Variants in KRAS observed in about 807,000 individuals in gnomAD.
The protein encoded by KRAS is GTPase KRas.
KRAS carries 1 observed loss-of-function variant against 21.0 expected under a neutral mutation model. The ratio of observed to expected loss-of-function variants is 0.05; its 90% CI spans 0.02 to 0.23. KRAS has a LOEUF of 0.23. Ranked by LOEUF, KRAS falls within the 10% of genes least tolerant of loss-of-function variation. The probability of loss-of-function intolerance (pLI) is 1.00; values close to 1 mark genes in which losing one functional copy is unlikely to be tolerated. For missense variants in KRAS, 107 were observed against 221.8 expected (o/e 0.48, Z 3.29); for synonymous variants, 67 against 72.5 (o/e 0.92, Z 0.39).
chr12:25,227,167 A>C, intron 3 of KRAS, 67 bp downstream of exon 3: 1 of 1,194,760 alleles, frequency 8.4e-7, no homozygotes, highest in Non-Finnish European at 1.2e-6. Context: ...GGCATTAGCA[A>C]AGACTCAAAA....
At chr12:25,216,583 G>C (rs999583336) in intron 4 of KRAS, among the ~76,000 whole-genome samples, 4 of 152,176 alleles carry the variant, frequency 2.6e-5, no homozygotes, top group Non-Finnish European at 5.9e-5. Flanking sequence ...CTTACTACAA[G>C]TCTTAAAAAT....
At chr12:25,222,311 T>C (rs1162301039) in intron 4 of KRAS, among the ~76,000 whole-genome samples, 1 of 152,176 alleles carries the variant, frequency 6.6e-6, no homozygotes, top group Non-Finnish European at 1.5e-5. Flanking sequence ...TTTCATTTTA[T>C]AATCTCTACA....
chr12:25,230,568 C>T (rs1341128574), intron 2 of KRAS, among the ~76,000 whole-genome samples: 2 of 152,144 alleles, frequency 1.3e-5, no homozygotes, highest in Admixed American at 6.5e-5. Flanking sequence ...GTGGAGGTTA[C>T]GGTGAGCTGA....
intron 4 of KRAS, among the ~76,000 whole-genome samples, chr12:25,224,257 A>G (rs543163757): frequency 6.6e-6 from 1 of 151,926 alleles, no homozygotes. Context: ...GTATTCCAAA[A>G]GAAGGCAATG....
rs1951243246 is a variant in KRAS at position 25,215,451 on chromosome 12, A to G, written c.451-5540T>C. 1.9e-6 allele frequency: 3 copies of G among 1,612,938 alleles called. No homozygotes were observed. The African/African-American group carries it at 4.0e-5, about 22-fold the overall frequency. ...CTTAAACTTACCAGATTACATTATA[A>G]TGCATTTTTTAATTTTCACACAGCC... On this transcript the variant is annotated intron_variant, in intron 4 of 4. Coordinates refer to ENST00000311936, the MANE Select transcript of KRAS (RefSeq NM_004985.5).
At chr12:25,222,384 G>C (rs1951338114) in intron 4 of KRAS, among the ~76,000 whole-genome samples, 1 of 151,924 alleles carries the variant, frequency 6.6e-6, no homozygotes, top group African/African-American at 2.4e-5. Context: ...AATTTCAACG[G>C]AGGAAGATTA....
intron 4 of KRAS, among the ~76,000 whole-genome samples, chr12:25,218,044 CTT>C (rs1565881422): frequency 6.6e-6 from 1 of 152,030 alleles, no homozygotes; most frequent in Non-Finnish European, 1.5e-5. Context: ...ACTAAAATAA[CTT>C]TGTAGCATGT....
intron 2 of KRAS, among the ~76,000 whole-genome samples, chr12:25,244,098 G>A (rs11047918): frequency 0.18 from 28,070 of 152,016 alleles, 2,771 homozygotes; most frequent in African/African-American, 0.26. Context: ...TCTTCCCAAG[G>A]CCACCCAATG....
At chr12:25,235,166 T>C (rs1003052151) in intron 2 of KRAS, 28 of 500,118 alleles carry the variant, frequency 5.6e-5, no homozygotes, top group Non-Finnish European at 9.3e-5. Context: ...CCTCTTGAAA[T>C]TGTATGTTTT....
chr12:25,242,753 A>G (rs1951626471), intron 2 of KRAS, among the ~76,000 whole-genome samples: 1 of 150,076 alleles, frequency 6.7e-6, no homozygotes, highest in Non-Finnish European at 1.5e-5. Flanking sequence ...TCTTAATTTG[A>G]AAGATAGCTA....
intron 4 of KRAS, among the ~76,000 whole-genome samples, chr12:25,211,836 G>T (rs1951202870): frequency 6.6e-6 from 1 of 152,166 alleles, no homozygotes; most frequent in Non-Finnish European, 1.5e-5. Flanking sequence ...ACTAGTGAAA[G>T]TCTCCAATAA....
intron 2 of KRAS, among the ~76,000 whole-genome samples, chr12:25,241,167 C>T (rs1379328451): frequency 6.6e-6 from 1 of 152,120 alleles, no homozygotes; most frequent in Non-Finnish European, 1.5e-5. Flanking sequence ...CTATACTCAC[C>T]TACTTAGTTA....
chr12:25,229,436 T>C (rs995554881), intron 2 of KRAS, among the ~76,000 whole-genome samples: 20 of 152,206 alleles, frequency 1.3e-4, no homozygotes, highest in Admixed American at 9.2e-4. Flanking sequence ...TAAAGAGCAA[T>C]ATTGTTTCAT....
At chr12:25,210,042 A>G (rs1432924603) in intron 4 of KRAS, 131 bp from the exon 5 acceptor site, 12 of 596,942 alleles carry the variant, frequency 2.0e-5, no homozygotes, top group Non-Finnish European at 3.4e-5. Context: ...CTGAATATAT[A>G]TTACATATAT....
chr12:25,220,651 C>T (rs1181186760), intron 4 of KRAS, among the ~76,000 whole-genome samples: 3 of 150,898 alleles, frequency 2.0e-5, no homozygotes, highest in East Asian at 3.9e-4. Context: ...CGCTTGAATC[C>T]GGGAAGCGGA....
intron 4 of KRAS, among the ~76,000 whole-genome samples, chr12:25,216,495 A>G (rs1310115670): frequency 6.6e-6 from 1 of 152,110 alleles, no homozygotes; most frequent in African/African-American, 2.4e-5. Context: ...GGCTGGTCTC[A>G]AACTCCTGAG....
At chr12:25,221,610 AAC>A (rs2141498710) in intron 4 of KRAS, among the ~76,000 whole-genome samples, 1 of 152,300 alleles carries the variant, frequency 6.6e-6, no homozygotes, top group African/African-American at 2.4e-5. Context: ...AAAAAAATGC[AAC>A]AGATACCACT....
chr12:25,214,350 A>G (rs1951230981), intron 4 of KRAS, among the ~76,000 whole-genome samples: 1 of 151,986 alleles, frequency 6.6e-6, no homozygotes. Flanking sequence ...TCTGCAACAC[A>G]TGTGGAACAT....
chr12:25,219,725 A>G (rs1951298490), intron 4 of KRAS, among the ~76,000 whole-genome samples: 1 of 152,228 alleles, frequency 6.6e-6, no homozygotes, highest in South Asian at 2.1e-4. Context: ...ATTGAAATGC[A>G]GAAAAACCAC....
Sources: allele counts gnomAD v4.1 joint callset (sites outside exome capture counted in the v4.1 genomes callset), GRCh38; gene constraint gnomAD v4.1.1; transcripts MANE v1.5; gene names NCBI Gene and HGNC (gene_info 2026-07-23, HGNC 2026-07-21).